Variants in KLHL29 observed in about 807,000 individuals in gnomAD.
KLHL29 encodes the protein kelch like family member 29, also known as kelch-like protein 29.
In KLHL29, 21 loss-of-function variants were observed where a neutral mutation model predicts 80.4. That is an observed-to-expected ratio of 0.26 (90% CI 0.19 to 0.38). The LOEUF (loss-of-function observed/expected upper bound fraction) is 0.38. Ranked by LOEUF, KLHL29 falls within the 10% of genes least tolerant of loss-of-function variation. The probability of loss-of-function intolerance (pLI) is 1.00; values close to 1 mark genes in which losing one functional copy is unlikely to be tolerated. For missense variants in KLHL29, 867 were observed against 1,223.9 expected (o/e 0.71, Z 4.35); for synonymous variants, 511 against 526.8 (o/e 0.97, Z 0.41).
chr2:23,595,878 G>A (rs1668382466), intron 3 of KLHL29, among the ~76,000 whole-genome samples: 1 of 152,184 alleles, frequency 6.6e-6, no homozygotes, highest in African/African-American at 2.4e-5. Flanking sequence ...CACGCAAGCA[G>A]CATGCCCCTT....
At chr2:23,549,866 G>T (rs2103488714) in intron 2 of KLHL29, among the ~76,000 whole-genome samples, 1 of 152,336 alleles carries the variant, frequency 6.6e-6, no homozygotes. Context: ...GGGCAGAGCT[G>T]GGACTGCCAT....
chr2:23,496,121 G>C (rs561542707), intron 2 of KLHL29, among the ~76,000 whole-genome samples: 1 of 152,200 alleles, frequency 6.6e-6, no homozygotes, highest in Admixed American at 6.5e-5. Context: ...CAGGGGGCAC[G>C]AGAGGGGCTC....
chr2:23,591,525 A>G (rs1417711551), intron 3 of KLHL29, among the ~76,000 whole-genome samples: 2 of 120,622 alleles, frequency 1.7e-5, no homozygotes, highest in Non-Finnish European at 3.3e-5. Flanking sequence ...TCCCATCCGC[A>G]TGTCCCTGAC....
intron 3 of KLHL29, among the ~76,000 whole-genome samples, chr2:23,578,487 A>C (rs1009694490): frequency 1.3e-5 from 2 of 152,244 alleles, no homozygotes; most frequent in Non-Finnish European, 2.9e-5. Context: ...AAGCACTTAC[A>C]TCAGTGTCTG....
intron 3 of KLHL29, among the ~76,000 whole-genome samples, chr2:23,626,452 A>G (rs930932504): frequency 9.8e-5 from 15 of 152,344 alleles, no homozygotes; most frequent in Middle Eastern, 3.4e-3. Context: ...GAGCTGACTA[A>G]TGCAGTGAGG....
At chr2:23,447,276 C>G (rs1375512355) in intron 1 of KLHL29, among the ~76,000 whole-genome samples, 1 of 152,152 alleles carries the variant, frequency 6.6e-6, no homozygotes, top group Non-Finnish European at 1.5e-5. Context: ...GACGTGTTAT[C>G]TCCCTCACTT....
chr2:23,576,061 T>C (rs567053411), intron 3 of KLHL29, among the ~76,000 whole-genome samples: 3 of 152,248 alleles, frequency 2.0e-5, no homozygotes, highest in South Asian at 4.1e-4. Context: ...TCCCAACACC[T>C]TGGGAGGCCG....
chr2:23,416,480 G>A (rs1666985752), intron 1 of KLHL29, among the ~76,000 whole-genome samples: 1 of 152,204 alleles, frequency 6.6e-6, no homozygotes, highest in African/African-American at 2.4e-5. Flanking sequence ...GCAGAACCGG[G>A]ACTCAAGTCC....
chr2:23,562,086 G>T lies in KLHL29; in HGVS notation c.-45-66G>T. On this transcript the variant is annotated intron_variant, in intron 2 of 13. Coordinates refer to ENST00000486442, the MANE Select transcript of KLHL29 (RefSeq NM_052920.2). This position sits in a 1 kb window ranked among gnomAD's most constrained non-coding sequence, Gnocchi z 4.5. ...TTGAACCCAGAGAAGGGGCTTCATG[G>T]ATGCTGTCAGTTGTCGCTGCCTGCT... The T allele has an allele frequency of 7.9e-7, 1 of 1,266,276 alleles. No homozygotes were observed. The highest frequency in any genetic ancestry group is 1.1e-6 in the Non-Finnish European group (1 of 911,404). 78.4% of individuals were successfully genotyped at this position (1,266,276 alleles called of 1,614,324 possible).
At chr2:23,600,705 C>G (rs1668547820) in intron 3 of KLHL29, among the ~76,000 whole-genome samples, 1 of 152,106 alleles carries the variant, frequency 6.6e-6, no homozygotes, top group African/African-American at 2.4e-5. Flanking sequence ...GGAGACTATG[C>G]CAGAAGGAAG....
At chr2:23,513,215 G>A (rs1665826021) in intron 2 of KLHL29, among the ~76,000 whole-genome samples, 1 of 152,348 alleles carries the variant, frequency 6.6e-6, no homozygotes, top group African/African-American at 2.4e-5. Flanking sequence ...GACAGAACTT[G>A]CTGACTCCTA....
chr2:23,542,252 T>G (rs1666859396), intron 2 of KLHL29, among the ~76,000 whole-genome samples: 1 of 152,262 alleles, frequency 6.6e-6, no homozygotes, highest in Non-Finnish European at 1.5e-5. Flanking sequence ...TACATGTATT[T>G]GTTAAGGAAC....
chr2:23,642,928 CA>C (rs778704393), intron 5 of KLHL29, 78 bp downstream of exon 5: 2 of 1,496,684 alleles, frequency 1.3e-6, no homozygotes, highest in African/African-American at 1.4e-5. Flanking sequence ...ACCACCGGGA[CA>C]GGGGGTGCTT....
In KLHL29 at chr2:23,684,377, G is replaced by A; in HGVS notation, c.941-22G>A. ...AAACTCTTAATGGGAACCTGGCCCT[G>A]TCTGTCTTCTCTGTTCTGCAGAAAT... On this transcript the variant is annotated intron_variant, in intron 5 of 13. Transcript: ENST00000486442. This position sits in a 1 kb window ranked among gnomAD's most constrained non-coding sequence, Gnocchi z 4.4. 7.1e-7 allele frequency: 1 copy of A among 1,413,114 alleles called. No homozygotes were observed. The allele number at this position is 1,413,114 out of a possible 1,614,324, so 87.5% of individuals were successfully genotyped here.
At chr2:23,654,366 G>C (rs1265843097) in intron 5 of KLHL29, among the ~76,000 whole-genome samples, 1 of 152,122 alleles carries the variant, frequency 6.6e-6, no homozygotes, top group Non-Finnish European at 1.5e-5. Context: ...ACGCCCCTCA[G>C]TTTAGGAATT....
chr2:23,626,791 CCA>C (rs1260361106), intron 3 of KLHL29, among the ~76,000 whole-genome samples: 5 of 152,226 alleles, frequency 3.3e-5, no homozygotes. Context: ...GGTAGCCGGA[CCA>C]CACAGCACGT....
rs1049445835 is a variant in KLHL29 at position 23,701,798 on chromosome 2, T to C, written c.2106-1388T>C. On this transcript the variant is annotated intron_variant, in intron 11 of 13. Transcript: ENST00000486442. ...GCACACATGGCTTTTTTTTGCTTTT[T>C]TTTTTTTTTTTTTTTTTTTTTCAGA... 8.8e-3 allele frequency among the ~76,000 whole-genome samples: 1,162 copies of C among 132,032 alleles called. 88 individuals are homozygous for C. The highest frequency in any genetic ancestry group is 0.02 in the African/African-American group (682 of 34,458). 86.6% of individuals were successfully genotyped at this position (132,032 alleles called of 152,430 possible).
intron 3 of KLHL29, among the ~76,000 whole-genome samples, chr2:23,607,751 G>T (rs1439254451): frequency 6.6e-6 from 1 of 152,160 alleles, no homozygotes; most frequent in Non-Finnish European, 1.5e-5. Context: ...TAGGTTGCAT[G>T]CTCCTTATGA....
chr2:23,578,105 A>T (rs1667888915), intron 3 of KLHL29, among the ~76,000 whole-genome samples: 1 of 152,158 alleles, frequency 6.6e-6, no homozygotes, highest in Non-Finnish European at 1.5e-5. Flanking sequence ...GTCCTATGGC[A>T]TGCCTGAGGG....
Sources: gnomAD v4.1 joint callset for allele counts (sites outside exome capture counted in the v4.1 genomes callset) on GRCh38, gnomAD v4.1.1 for gene constraint, Gnocchi (gnomAD v3.1) non-coding constraint, MANE v1.5 for transcripts, NCBI Gene and HGNC (gene_info 2026-07-23, HGNC 2026-07-21) for gene names.